The following ADORA2B variants were observed in gnomAD, a reference collection of about 807,000 sequenced individuals.
ADORA2B encodes the protein adenosine A2b receptor.
Under a neutral mutation model 20.8 loss-of-function variants are expected in ADORA2B, and 18 were observed. The observed-to-expected ratio is 0.87, with a 90% CI of 0.60 to 1.29. ADORA2B has a LOEUF of 1.29. Among genes scored for constraint, ADORA2B ranks in the 50% most tolerant of loss-of-function variants. ADORA2B has a pLI of 0.00. For missense variants in ADORA2B, 441 were observed against 422.7 expected (o/e 1.04, Z -0.38); for synonymous variants, 179 against 178.3 (o/e 1.00, Z -0.03).
In ADORA2B at chr17:15,975,385, G is replaced by C; in HGVS notation, c.*43G>C. 1 of 1,570,180 alleles carries C rather than the reference G, an allele frequency of 6.4e-7. No homozygotes were observed. The highest frequency in any genetic ancestry group is 1.4e-5 in the African/African-American group (1 of 73,688). On this transcript the variant is annotated 3_prime_UTR_variant, in exon 2 of 2. Transcript: ENST00000304222. ...TCCAGGAGAAGATACAAATCCACAA[G>C]AAACAAAGAGGACACGGCTGGTTTT...
At chr17:15,896,762 G>C in the ADORA2B span, among the ~76,000 whole-genome samples, 1 of 152,142 alleles carries the variant, frequency 6.6e-6, no homozygotes, top group Non-Finnish European at 1.5e-5. Flanking sequence ...CCAAACTTTA[G>C]ACATCACTTC....
At chr17:15,871,480 A>G in the ADORA2B span, among the ~76,000 whole-genome samples, 6 of 152,280 alleles carry the variant, frequency 3.9e-5, no homozygotes, top group African/African-American at 1.4e-4. Flanking sequence ...GCTGCTTGCA[A>G]GGCTGGCCCT....
the ADORA2B span, among the ~76,000 whole-genome samples, chr17:15,934,799 A>T: frequency 0.029 from 4,448 of 151,948 alleles, 211 homozygotes; most frequent in African/African-American, 0.1. Flanking sequence ...TGTATTAATT[A>T]ATTTATTTAT....
At chr17:15,938,448 G>A in the ADORA2B span, among the ~76,000 whole-genome samples, 13 of 152,004 alleles carry the variant, frequency 8.6e-5, no homozygotes, top group Admixed American at 7.9e-4. Context: ...GACTACAGGC[G>A]CCCGCCACCA....
the ADORA2B span, among the ~76,000 whole-genome samples, chr17:15,907,621 TC>T: frequency 6.6e-6 from 1 of 152,004 alleles, no homozygotes; most frequent in Non-Finnish European, 1.5e-5. Flanking sequence ...CAAAAATAAA[TC>T]AATCAGTAAA....
At chr17:15,936,368 G>T in the ADORA2B span, among the ~76,000 whole-genome samples, 3 of 151,606 alleles carry the variant, frequency 2.0e-5, no homozygotes, top group Admixed American at 2.0e-4. Flanking sequence ...ACCCAGGCTG[G>T]AGTGCAGTGG....
chr17:15,882,073 C>T, the ADORA2B span, among the ~76,000 whole-genome samples: 1 of 152,180 alleles, frequency 6.6e-6, no homozygotes, highest in Non-Finnish European at 1.5e-5. Flanking sequence ...TTAGGTCCTT[C>T]GTGTCCTTAA....
chr17:15,868,793 C>A, the ADORA2B span, among the ~76,000 whole-genome samples: 1 of 148,926 alleles, frequency 6.7e-6, no homozygotes. Flanking sequence ...AAAAAAAATA[C>A]AAAAAAACCC....
At chr17:15,921,732 G>A in the ADORA2B span, among the ~76,000 whole-genome samples, 6 of 152,000 alleles carry the variant, frequency 3.9e-5, no homozygotes, top group African/African-American at 1.5e-4. Flanking sequence ...AAGTCCAGAG[G>A]TAAAACTTCC....
chr17:15,858,276 T>G, the ADORA2B span, among the ~76,000 whole-genome samples: 1 of 151,914 alleles, frequency 6.6e-6, no homozygotes, highest in African/African-American at 2.4e-5. Context: ...TTTTTCTGGG[T>G]TTTGATGATG....
the ADORA2B span, among the ~76,000 whole-genome samples, chr17:15,866,748 G>T: frequency 7.2e-6 from 1 of 139,264 alleles, no homozygotes; most frequent in African/African-American, 2.5e-5. Flanking sequence ...TGCCTCTGCC[G>T]CTGCCTCTCT....
At chr17:15,967,342 C>T (rs970680906) in intron 1 of ADORA2B, among the ~76,000 whole-genome samples, 5 of 152,060 alleles carry the variant, frequency 3.3e-5, no homozygotes, top group African/African-American at 4.8e-5. Context: ...AAGTAATTCT[C>T]CTGCTTCAGC....
the ADORA2B span, among the ~76,000 whole-genome samples, chr17:15,927,163 A>G: frequency 3.3e-5 from 5 of 151,926 alleles, no homozygotes; most frequent in Non-Finnish European, 7.4e-5. Flanking sequence ...CCTGGCCAAC[A>G]TTGTGAAACC....
At chr17:15,905,355 A>G in the ADORA2B span, among the ~76,000 whole-genome samples, 1 of 151,990 alleles carries the variant, frequency 6.6e-6, no homozygotes, top group Middle Eastern at 3.4e-3. Context: ...TTTCTGGCAT[A>G]TAGGATAACA....
chr17:15,875,264 T>G, the ADORA2B span, among the ~76,000 whole-genome samples: 1 of 149,096 alleles, frequency 6.7e-6, no homozygotes, highest in Middle Eastern at 3.4e-3. Context: ...CGTTTTCAAG[T>G]CACCTTGCTG....
the ADORA2B span, among the ~76,000 whole-genome samples, chr17:15,880,579 T>G: frequency 7.0e-6 from 1 of 142,668 alleles, no homozygotes; most frequent in Non-Finnish European, 1.5e-5. Flanking sequence ...CCAGAGCAGA[T>G]CTGGAGCACT....
chr17:15,889,651 T>G, the ADORA2B span, among the ~76,000 whole-genome samples: 3 of 130,216 alleles, frequency 2.3e-5, 1 homozygote, highest in African/African-American at 9.8e-5. Context: ...CCCAGCACTT[T>G]AGAAAGAAGA....
At chr17:15,877,256 C>T in the ADORA2B span, among the ~76,000 whole-genome samples, 1 of 152,130 alleles carries the variant, frequency 6.6e-6, no homozygotes, top group South Asian at 2.1e-4. Context: ...ACCAAATCTC[C>T]CTACCTGGGT....
intron 1 of ADORA2B, among the ~76,000 whole-genome samples, chr17:15,965,031 G>A (rs1003785299): frequency 2.6e-5 from 4 of 151,666 alleles, no homozygotes; most frequent in Admixed American, 2.6e-4. Flanking sequence ...CTGCGCTCCA[G>A]CCTGGGCGAC....
Sources: gnomAD v4.1 joint callset for allele counts (sites outside exome capture counted in the v4.1 genomes callset) on GRCh38, gnomAD v4.1.1 for gene constraint, MANE v1.5 for transcripts, NCBI Gene and HGNC (gene_info 2026-07-23, HGNC 2026-07-21) for gene names.